The following C10orf105 variants were observed in gnomAD, a reference collection of about 807,000 sequenced individuals.
C10orf105 encodes the protein chromosome 10 open reading frame 105.
Under a neutral mutation model 0.6 loss-of-function variants are expected in C10orf105, and 2 were observed. The observed-to-expected ratio is 3.18, with a 90% CI of 1.30 to 10.01. The LOEUF (loss-of-function observed/expected upper bound fraction) is 10.01. Ranked by LOEUF, C10orf105 falls within the 30% of genes most tolerant of loss-of-function variation. The pLI, the probability that C10orf105 is intolerant of heterozygous loss-of-function variation, is 0.04. For missense variants in C10orf105, 209 were observed against 191.4 expected (o/e 1.09, Z -0.54); for synonymous variants, 95 against 82.4 (o/e 1.15, Z -0.83).
In C10orf105 at chr10:71,733,972, CAAG is replaced by C. The variant is rs1424555156; in HGVS notation, c.-6+3753_-6+3755del. Among the ~76,000 whole-genome samples the C allele has an allele frequency of 3.3e-5, 5 of 152,304 alleles. No individual in the cohort carries two copies. The East Asian group carries it at 7.7e-4, about 23-fold the overall frequency. ...ATCCAGGATGCAAATCAGAGCGCCA[CAAG>C]AAGATGTGCAGAGAACTACAACAGA... On this transcript the variant is annotated intron_variant, in intron 1 of 1. Coordinates refer to the C10orf105 transcript ENST00000398786.
intron 1 of C10orf105, chr10:71,732,480 G>A: frequency 6.7e-7 from 1 of 1,485,540 alleles, no homozygotes; most frequent in Non-Finnish European, 9.0e-7. Context: ...AAATGTCCTT[G>A]AGATGGCCAA....
rs745855338 is a variant in C10orf105 at position 71,725,506 on chromosome 10, C to T, written c.-5-9164G>A. The stretch of plus-strand genomic sequence containing the variant: ...CTACAACCACGACCTGGGCCCCATG[C>T]GGAGCTCCGTCAGGGTGAGGCTAGG... On this transcript the variant is annotated intron_variant, in intron 1 of 1. Coordinates refer to the C10orf105 transcript ENST00000398786. 2 of 1,613,310 alleles carry T rather than the reference C, an allele frequency of 1.2e-6. No homozygotes were observed. Among genetic ancestry groups the T allele is most frequent in the African/African-American group, 1.3e-5 (1 of 75,050 alleles).
At chr10:71,725,406 C>CA in intron 1 of C10orf105, 1 of 1,614,056 alleles carries the variant, frequency 6.2e-7, no homozygotes, top group Non-Finnish European at 8.5e-7. Flanking sequence ...TCCATGTCAG[C>CA]AATGGGCTCC....
Position 71,734,282 on chromosome 10 carries a change from G to A in C10orf105, c.-6+3446C>T, listed in dbSNP as rs752442832. 13 of 1,612,544 alleles carry A rather than the reference G, an allele frequency of 8.1e-6. No homozygotes were observed. The highest frequency in any genetic ancestry group is 5.0e-5 in the Admixed American group (3 of 59,900). ...GGGCCTGGTGGACCGTGAGAAGGGC[G>A]ACTTCTATACCTTGACAGTGGTGGC... On this transcript the variant is annotated intron_variant, in intron 1 of 1. Coordinates refer to the C10orf105 transcript ENST00000398786.
chr10:71,735,288 G>T (rs1306086364), intron 1 of C10orf105, among the ~76,000 whole-genome samples: 1 of 152,162 alleles, frequency 6.6e-6, no homozygotes, highest in African/African-American at 2.4e-5. Context: ...TCTCCCTCAG[G>T]ACAGCCTCTA....
chr10:71,716,066 T>C lies in C10orf105; in HGVS notation c.272A>G (p.Lys91Arg). 1 of 1,515,896 alleles carries C rather than the reference T, an allele frequency of 6.6e-7. No individual in the cohort carries two copies. 93.9% of individuals were successfully genotyped at this position (1,515,896 alleles called of 1,614,324 possible). The change falls in exon 2 of 2, where the codon AAG becomes AGG. Residue 91 changes from lysine to arginine, a missense_variant. Lys to Arg is a conservative substitution (Grantham distance 26). Transcript: ENST00000441508. The part of the protein sequence containing the change: ...SPSEPQLRLW[K>R]RLGSLRLSLH... ...GGAGAGGCGCAAGGAGCCCAGGCGC[T>C]TCCAGAGCCGGAGCTGGGGCTCACT... is the stretch of plus-strand genomic sequence containing the variant.
At chr10:71,734,224 G>C in intron 1 of C10orf105, 2 of 1,595,974 alleles carry the variant, frequency 1.3e-6, no homozygotes, top group Non-Finnish European at 1.7e-6. Flanking sequence ...TCACCCATCT[G>C]GCCCCTTCCC....
rs1866100719 is a variant in C10orf105 at position 71,713,959 on chromosome 10, G to A, written c.*1977C>T. ...GAAGGAACAAAACCCTTAGGGAGGA[G>A]GCCTGCCCCACTTTCTAAACCCAAA... On this transcript the variant is annotated 3_prime_UTR_variant, in exon 2 of 2. Coordinates refer to ENST00000441508, the MANE Select transcript of C10orf105 (RefSeq NM_001164375.3). The A allele has an allele frequency of 1.3e-5, 2 of 152,486 alleles. No homozygotes were observed. Among genetic ancestry groups the A allele is most frequent in the Admixed American group, 6.5e-5 (1 of 15,304 alleles). The allele number at this position is 152,486 out of a possible 1,614,324, so 9.4% of individuals were successfully genotyped here. A position where few individuals can be genotyped will look rare whatever the true frequency, so the allele number is the denominator to read the frequency against.
rs1409546895 is a variant in C10orf105 at position 71,711,981 on chromosome 10, C to G, written c.*3955G>C. ...AAACTTAAAACAGCAGAAGTGTATT[C>G]TCTCCTGGTTCTCAAGGCCAGAAGT... On this transcript the variant is annotated 3_prime_UTR_variant, in exon 2 of 2. Transcript: ENST00000441508. 1 of 152,264 alleles carries G rather than the reference C, an allele frequency of 6.6e-6. No individual in the cohort carries two copies. Among genetic ancestry groups the G allele is most frequent in the Non-Finnish European group, 1.5e-5 (1 of 68,070 alleles). 9.4% of individuals were successfully genotyped at this position (152,264 alleles called of 1,614,324 possible). A position where few individuals can be genotyped will look rare whatever the true frequency, so the allele number is the denominator to read the frequency against.
chr10:71,718,553 G>C (rs947500553), intron 1 of C10orf105, among the ~76,000 whole-genome samples: 1 of 152,236 alleles, frequency 6.6e-6, no homozygotes, highest in African/African-American at 2.4e-5. Flanking sequence ...GGAGGGATGG[G>C]GTGTGCCCAC....
rs1326423277 is a variant in C10orf105 at position 71,715,069 on chromosome 10, C to T, written c.*867G>A. On this transcript the variant is annotated 3_prime_UTR_variant, in exon 2 of 2. Transcript: ENST00000441508. ...CACAGCTGTCCTGGAGAGGTCCAGA[C>T]CATCCCACCCTCGGGGAGGCTGCCG... 6.6e-6 allele frequency: 1 copy of T among 152,298 alleles called. No individual in the cohort carries two copies. The highest frequency in any genetic ancestry group is 2.4e-5 in the African/African-American group (1 of 41,448). The allele number at this position is 152,298 out of a possible 1,614,324, so 9.4% of individuals were successfully genotyped here. A position where few individuals can be genotyped will look rare whatever the true frequency, so the allele number is the denominator to read the frequency against.
chr10:71,737,433 T>C (rs1839597125), intron 1 of C10orf105, among the ~76,000 whole-genome samples: 1 of 152,352 alleles, frequency 6.6e-6, no homozygotes, highest in African/African-American at 2.4e-5. Flanking sequence ...CTCACTCTCC[T>C]ATACTTCTGA....
chr10:71,721,992 C>T (rs1866578986), upstream of C10orf105, among the ~76,000 whole-genome samples: 1 of 152,238 alleles, frequency 6.6e-6, no homozygotes, highest in African/African-American at 2.4e-5. Flanking sequence ...CAGCTCCCTC[C>T]TTTGGAAACC....
intron 1 of C10orf105, chr10:71,732,581 T>C: frequency 7.5e-7 from 1 of 1,326,760 alleles, no homozygotes; most frequent in Non-Finnish European, 1.0e-6. Flanking sequence ...TGCAGTGAGC[T>C]GCGTTTGCAC....
At chr10:71,730,648 A>G in intron 1 of C10orf105, 3 of 1,609,856 alleles carry the variant, frequency 1.9e-6, no homozygotes, top group Non-Finnish European at 2.5e-6. Context: ...TGCTCAGAGC[A>G]AACCTCCCCA....
At chr10:71,718,242 G>A (rs921397094) in intron 1 of C10orf105, among the ~76,000 whole-genome samples, 1 of 152,200 alleles carries the variant, frequency 6.6e-6, no homozygotes, top group Admixed American at 6.5e-5. Context: ...GGGCCACCTA[G>A]TTCCCCACCC....
At chr10:71,731,933 C>G (rs1007450836) in intron 1 of C10orf105, 2 of 1,556,548 alleles carry the variant, frequency 1.3e-6, no homozygotes, top group African/African-American at 1.3e-5. Context: ...GAAGCCACAG[C>G]GCAGCCCCAC....
Position 71,713,395 on chromosome 10 carries a change from G to A in C10orf105, c.*2541C>T. Reference sequence around the variant, plus strand: ...GTGGGGAGGGAGGCCCGGAGTGAATGAGTCTCTTTACCAACTATGGGGTTT... The same window carrying A: ...GTGGGGAGGGAGGCCCGGAGTGAATAAGTCTCTTTACCAACTATGGGGTTT... On this transcript the variant is annotated 3_prime_UTR_variant, in exon 2 of 2. Coordinates refer to ENST00000441508, the MANE Select transcript of C10orf105 (RefSeq NM_001164375.3). 2 of 686,630 alleles carry A rather than the reference G, an allele frequency of 2.9e-6. No homozygotes were observed. The highest frequency in any genetic ancestry group is 5.3e-6 in the Non-Finnish European group (2 of 377,406). 42.5% of individuals were successfully genotyped at this position (686,630 alleles called of 1,614,324 possible). A position where few individuals can be genotyped will look rare whatever the true frequency, so the allele number is the denominator to read the frequency against.
intron 1 of C10orf105, among the ~76,000 whole-genome samples, chr10:71,726,524 C>A (rs781703870): frequency 6.6e-6 from 1 of 152,218 alleles, no homozygotes; most frequent in Non-Finnish European, 1.5e-5. Context: ...TGGGAAGACA[C>A]CTGGGTCCTT....
Sources: gnomAD v4.1 joint callset for allele counts (sites outside exome capture counted in the v4.1 genomes callset) on GRCh38, gnomAD v4.1.1 for gene constraint, MANE v1.5 for transcripts, NCBI Gene and HGNC (gene_info 2026-07-23, HGNC 2026-07-21) for gene names.